SYNPO: variants seen among roughly 807,000 people sequenced by gnomAD.
The protein encoded by SYNPO is synaptopodin.
SYNPO carries 19 observed loss-of-function variants against 49.5 expected under a neutral mutation model. The observed-to-expected ratio is 0.38, with a 90% CI of 0.27 to 0.56. The LOEUF (loss-of-function observed/expected upper bound fraction) is 0.56. Among genes scored for constraint, SYNPO ranks in the 20% least tolerant of loss-of-function variants. SYNPO has a pLI of 0.68. For missense variants in SYNPO, 1,131 were observed against 1,248.3 expected, an observed-to-expected ratio of 0.91 and a Z score of 1.42; for synonymous variants, 536 against 548.0, an observed-to-expected ratio of 0.98 and a Z score of 0.31.
At chr5:150,633,377 T>C (rs1223715704) in intron 2 of SYNPO, among the ~76,000 whole-genome samples, 1 of 152,214 alleles carries the variant, frequency 6.6e-6, no homozygotes, top group African/African-American at 2.4e-5. Flanking sequence ...AAAACAACTA[T>C]TTTAGAGCAG....
rs746955643 is a variant in SYNPO at position 150,648,560 on chromosome 5, T to C, written c.285T>C (p.Asp95=). The C allele has an allele frequency of 3.7e-6, 6 of 1,614,034 alleles. No homozygotes were observed. In the Admixed American group the frequency reaches 6.7e-5, roughly 18 times the overall value. The part of the protein sequence containing the change: ...SNSSHNPPAT[D]VNQNPPATVV... ...GCAGCCACAATCCGCCAGCCACCGA[T>C]GTCAATCAGAACCCACCGGCAACTG... is the stretch of plus-strand genomic sequence containing the variant. The change falls in exon 2 of 3, where the codon GAT becomes GAC. Residue 95 remains aspartate (D), a synonymous_variant. Coordinates refer to ENST00000307662, the MANE Select transcript of SYNPO (RefSeq NM_007286.6). This position sits in a 1 kb window ranked among gnomAD's most constrained non-coding sequence, Gnocchi z 5.0.
At chr5:150,612,264 G>A (rs1756868758) in intron 1 of SYNPO, among the ~76,000 whole-genome samples, 1 of 152,214 alleles carries the variant, frequency 6.6e-6, no homozygotes, top group Non-Finnish European at 1.5e-5. Context: ...AACCCGTTCA[G>A]AGTCACCTTT....
chr5:150,656,589 C>A lies in SYNPO; in HGVS notation c.2214C>A (p.Ser738=). The A allele has an allele frequency of 2.6e-6, 4 of 1,520,330 alleles. No individual in the cohort carries two copies. Among genetic ancestry groups the A allele is most frequent in the Non-Finnish European group, 3.5e-6 (4 of 1,141,278 alleles). The allele number at this position is 1,520,330 out of a possible 1,614,324, so 94.2% of individuals were successfully genotyped here. A position where few individuals can be genotyped will look rare whatever the true frequency, so the allele number is the denominator to read the frequency against. The change falls in exon 3 of 3, where the codon TCC becomes TCA. Residue 738 remains serine (S), a synonymous_variant. Transcript: ENST00000307662. The part of the protein sequence containing the change: ...MSPSWSERSV[S]PLRPETEARP... ...CCTCGTGGAGCGAGCGCTCGGTGTC[C>A]CCGCTGCGACCTGAGACCGAGGCGC... is the stretch of plus-strand genomic sequence containing the variant.
chr5:150,595,560 G>T, the SYNPO span, among the ~76,000 whole-genome samples: 1 of 152,192 alleles, frequency 6.6e-6, no homozygotes, highest in Non-Finnish European at 1.5e-5. Flanking sequence ...GGGATCTAGG[G>T]GCCTGGGGAC....
chr5:150,612,800 G>A (rs1024328558), intron 1 of SYNPO, among the ~76,000 whole-genome samples: 1 of 152,008 alleles, frequency 6.6e-6, no homozygotes, highest in African/African-American at 2.4e-5. Context: ...TTTTTTCTGA[G>A]ACAGGGTCTC....
At chr5:150,642,464 G>A (rs1411743975) in intron 1 of SYNPO, among the ~76,000 whole-genome samples, 3 of 152,206 alleles carry the variant, frequency 2.0e-5, no homozygotes, top group Non-Finnish European at 4.4e-5. Flanking sequence ...CCACAGCCAG[G>A]CCGATTGAGG....
At position 150,649,232 on chromosome 5, in the gene SYNPO, C is replaced by T; in HGVS notation, c.957C>T (p.Pro319=). ...CCTTGGGGAACTTCACTGCACCCCC[C>T]ACCTACACTGAGACCTTGTCCACAG... is the stretch of plus-strand genomic sequence containing the variant. ...RRPLGNFTAP[P]TYTETLSTAP... The change falls in exon 2 of 3, where the codon CCC becomes CCT. Residue 319 remains proline (P), a synonymous_variant. Coordinates refer to ENST00000307662, the MANE Select transcript of SYNPO (RefSeq NM_007286.6). The T allele has an allele frequency of 1.2e-6, 2 of 1,614,132 alleles. No individual in the cohort carries two copies. Among genetic ancestry groups the T allele is most frequent in the Non-Finnish European group, 1.7e-6 (2 of 1,180,020 alleles).
At chr5:150,594,791 C>T in the SYNPO span, among the ~76,000 whole-genome samples, 3 of 152,158 alleles carry the variant, frequency 2.0e-5, no homozygotes, top group African/African-American at 7.2e-5. Context: ...AAAACTGAGG[C>T]TCAGAGATGG....
chr5:150,617,730 G>A (rs1757019756), intron 1 of SYNPO: 1 of 152,296 alleles, frequency 6.6e-6, no homozygotes, highest in South Asian at 2.1e-4. Context: ...TCTAGGTGGT[G>A]TCTAGATACG....
intron 2 of SYNPO, chr5:150,624,861 G>C: frequency 1.0e-6 from 1 of 985,038 alleles, no homozygotes; most frequent in South Asian, 4.5e-5. Flanking sequence ...CAGGTGTGCC[G>C]AGGCGGCGGC....
At chr5:150,652,075 A>T (rs1758407631) in intron 2 of SYNPO, 2 of 1,000,502 alleles carry the variant, frequency 2.0e-6, no homozygotes, top group Non-Finnish European at 2.4e-6. Context: ...GCTTGTCTCC[A>T]TGGGAACAGG....
intron 1 of SYNPO, among the ~76,000 whole-genome samples, chr5:150,603,338 G>T (rs1756602735): frequency 6.6e-6 from 1 of 152,244 alleles, no homozygotes; most frequent in Non-Finnish European, 1.5e-5. Context: ...GACTAGCCAG[G>T]GAGAGGTGCA....
At chr5:150,624,820 C>A in intron 2 of SYNPO, 1 of 979,026 alleles carries the variant, frequency 1.0e-6, no homozygotes, top group Non-Finnish European at 1.2e-6. Context: ...GTGGCGGGGA[C>A]CTCGGGGCGG....
rs755997156 is a variant in SYNPO, at chr5:150,649,780, C to T, written c.1505C>T (p.Thr502Met). Residue 502 changes from threonine (T) to methionine (M), a missense_variant, in exon 2 of 3, where the codon ACG (threonine) becomes ATG (methionine). Coordinates refer to ENST00000307662, the MANE Select transcript of SYNPO (RefSeq NM_007286.6). ...EKYVIESSSHTPELARCPSPT... is the reference protein window; with the variant it reads ...EKYVIESSSHMPELARCPSPT... ...TATGTCATCGAGTCTTCAAGCCACACGCCAGAGCTGGCCCGCTGCCCATCA... is the reference window on the plus strand; with the variant it reads ...TATGTCATCGAGTCTTCAAGCCACATGCCAGAGCTGGCCCGCTGCCCATCA... 65 of 1,612,312 alleles carry T rather than the reference C, an allele frequency of 4.0e-5. No homozygotes were observed. Among genetic ancestry groups the T allele is most frequent in the Non-Finnish European group, 4.6e-5 (54 of 1,180,028 alleles).
At chr5:150,606,112 G>C (rs2112281) in intron 1 of SYNPO, among the ~76,000 whole-genome samples, 32,728 of 152,160 alleles carry the variant, frequency 0.22, 8,052 homozygotes, top group African/African-American at 0.59. Context: ...ATATCATGCA[G>C]ATATCCACAT....
chr5:150,643,220 G>A (rs1202989448), intron 1 of SYNPO, among the ~76,000 whole-genome samples: 1 of 152,176 alleles, frequency 6.6e-6, no homozygotes, highest in Admixed American at 6.5e-5. Flanking sequence ...AGCCAGGTGT[G>A]AACAGAGCTC....
At chr5:150,628,644 C>A (rs151112090) in intron 2 of SYNPO, among the ~76,000 whole-genome samples, 2,950 of 152,320 alleles carry the variant, frequency 0.019, 92 homozygotes, top group African/African-American at 0.067. Context: ...TGTGGTGGCT[C>A]ACGCCTGTAA....
chr5:150,608,918 T>C (rs998273892), intron 1 of SYNPO, among the ~76,000 whole-genome samples: 3 of 152,090 alleles, frequency 2.0e-5, no homozygotes, highest in Admixed American at 6.5e-5. Flanking sequence ...GTGGTTAGGG[T>C]TCCCACTCCA....
chr5:150,651,697 G>A (rs1342148464), intron 2 of SYNPO: 1 of 1,000,500 alleles, frequency 1.0e-6, no homozygotes, highest in African/African-American at 1.7e-5. Flanking sequence ...GGACAGAGGA[G>A]ATCTTAGAAT....
Sources: gnomAD v4.1 joint callset for allele counts (sites outside exome capture counted in the v4.1 genomes callset) on GRCh38, gnomAD v4.1.1 for gene constraint, Gnocchi (gnomAD v3.1) non-coding constraint, MANE v1.5 for transcripts, NCBI Gene and HGNC (gene_info 2026-07-23, HGNC 2026-07-21) for gene names.